Variants in ZNF132 observed in about 807,000 individuals in gnomAD.
The protein encoded by ZNF132 is zinc finger protein 132.
ZNF132 carries 6 observed loss-of-function variants against 9.3 expected under a neutral mutation model. That is an observed-to-expected ratio of 0.65 (90% confidence interval 0.35 to 1.28). The LOEUF is 1.28. Ranked by LOEUF, ZNF132 falls within the 50% of genes most tolerant of loss-of-function variation. The probability of loss-of-function intolerance (pLI) is 0.03; values close to 1 mark genes in which losing one functional copy is unlikely to be tolerated. For missense variants in ZNF132, 877 were observed against 843.2 expected, an observed-to-expected ratio of 1.04 and a Z score of -0.50; for synonymous variants, 296 against 292.0, an observed-to-expected ratio of 1.01 and a Z score of -0.14.
rs1258992561 is a variant in ZNF132, at chr19:58,432,973, A to ATT, written c.*348_*349dup. 1 of 178,652 alleles carries ATT rather than the reference A, an allele frequency of 5.6e-6. No individual in the cohort carries two copies. The highest frequency in any genetic ancestry group is 1.2e-5 in the Non-Finnish European group (1 of 86,584). 11.1% of individuals were successfully genotyped at this position (178,652 alleles called of 1,614,324 possible). ...GTGCATCTTCCTGAGCTCAAATTAG[A>ATT]TTTCCCTCAAGGCCCCTCAACCAGC... On this transcript the variant is annotated 3_prime_UTR_variant, in exon 3 of 3. Transcript: ENST00000254166.
chr19:58,439,665 G>A (rs1284604055), intron 1 of ZNF132, 94 bp downstream of exon 1: 3 of 1,339,926 alleles, frequency 2.2e-6, no homozygotes, highest in Non-Finnish European at 3.0e-6. Context: ...ACACGATCAA[G>A]AGTCCCAGGA....
At position 58,434,420 on chromosome 19, in the gene ZNF132, A is replaced by G. The variant is rs777358453; in HGVS notation, c.1024T>C (p.Ser342Pro). The part of the protein sequence containing the change: ...LTFVHHQRIH[S>P]GERPYECDEC... ...TCACACTCATAAGGTCTTTCTCCTG[A>G]GTGAATTCTCTGATGATGAACAAAT... Residue 342 changes from serine to proline, a missense_variant, in exon 3 of 3, where the codon TCA becomes CCA. By Grantham distance (74) the Ser-to-Pro change is moderately conservative (BLOSUM62 -1). Transcript: ENST00000254166. 3 of 1,614,204 alleles carry G rather than the reference A, an allele frequency of 1.9e-6. No individual in the cohort carries two copies. Among genetic ancestry groups the G allele is most frequent in the Non-Finnish European group, 2.5e-6 (3 of 1,180,032 alleles).
intron 1 of ZNF132, among the ~76,000 whole-genome samples, chr19:58,438,504 C>T (rs1037170826): frequency 6.3e-5 from 9 of 142,566 alleles, no homozygotes; most frequent in Admixed American, 1.4e-4. Context: ...GACAGAGTCT[C>T]GCTCTGTCAC....
Position 58,434,066 on chromosome 19 carries a change from C to G in ZNF132, c.1378G>C (p.Glu460Gln), listed in dbSNP as rs1599965094. 6.2e-7 allele frequency: 1 copy of G among 1,614,152 alleles called. No individual in the cohort carries two copies. The highest frequency in any genetic ancestry group is 2.2e-5 in the East Asian group (1 of 44,886). The change falls in exon 3 of 3, where the codon GAG becomes CAG. Residue 460 changes from glutamate to glutamine, a missense_variant. Coordinates refer to ENST00000254166, the MANE Select transcript of ZNF132 (RefSeq NM_003433.4). ...AAGTCTCTTCCACATTCACTGCACT[C>G]AAAAGGCCGTTCTCCGGTGTGAACT... The part of the protein sequence containing the change: ...QKVHTGERPF[E>Q]CSECGRDFSQ...
At chr19:58,436,668 A>G (rs2052774545) in intron 2 of ZNF132, among the ~76,000 whole-genome samples, 1 of 65,282 alleles carries the variant, frequency 1.5e-5, no homozygotes, top group South Asian at 5.0e-4. Context: ...ACTCCATCTC[A>G]AAAAAAAAAA....
At chr19:58,435,708 C>T (rs1438296853) in intron 2 of ZNF132, 1 of 157,406 alleles carries the variant, frequency 6.4e-6, no homozygotes, top group Non-Finnish European at 1.4e-5. Context: ...AAGTCTGCTT[C>T]TACAGAGCTA....
At chr19:58,437,690 C>T in intron 1 of ZNF132, 2 of 984,164 alleles carry the variant, frequency 2.0e-6, no homozygotes, top group African/African-American at 1.7e-5. Context: ...ACACTGTAGG[C>T]ATTCTCCCTA....
intron 2 of ZNF132, among the ~76,000 whole-genome samples, chr19:58,436,667 CAAAA>C (rs56078209): frequency 1.1e-4 from 7 of 65,542 alleles, no homozygotes; most frequent in Non-Finnish European, 1.7e-4. Context: ...GACTCCATCT[CAAAA>C]AAAAAAAAAA....
At chr19:58,436,667 CAAAAAAAAAAAAA>C (rs56078209) in intron 2 of ZNF132, among the ~76,000 whole-genome samples, 25 of 65,542 alleles carry the variant, frequency 3.8e-4, no homozygotes, top group Middle Eastern at 9.1e-3. Context: ...GACTCCATCT[CAAAAAAAAAAAAA>C]AAAAAAAAAA....
At chr19:58,435,563 A>T (rs916231351) in intron 2 of ZNF132, 3 of 191,968 alleles carry the variant, frequency 1.6e-5, no homozygotes, top group Non-Finnish European at 3.3e-5. Context: ...CCATAATGAG[A>T]TACCACTTCA....
Position 58,435,135 on chromosome 19 carries a change from G to T in ZNF132, c.309C>A (p.Ile103=). ...NVSVEVLQVR[I]PNADPSTKKA... ...TCTTGGTGGAAGGATCTGCATTAGG[G>T]ATCCTGACCTGTAACACTTCTACAG... Residue 103 remains isoleucine (I), a synonymous_variant, in exon 3 of 3, where the codon ATC becomes ATA. Transcript: ENST00000254166. The T allele has an allele frequency of 6.2e-7, 1 of 1,614,174 alleles. No homozygotes were observed. The highest frequency in any genetic ancestry group is 8.5e-7 in the Non-Finnish European group (1 of 1,180,024).
In ZNF132 at chr19:58,432,971, A is replaced by G. The variant is rs1433654116; in HGVS notation, c.*352T>C. The G allele has an allele frequency of 3.4e-5, 6 of 176,166 alleles. No homozygotes were observed. Among genetic ancestry groups the G allele is most frequent in the Admixed American group, 2.7e-4 (4 of 14,694 alleles). 10.9% of individuals were successfully genotyped at this position (176,166 alleles called of 1,614,324 possible). A position where few individuals can be genotyped will look rare whatever the true frequency, so the allele number is the denominator to read the frequency against. On this transcript the variant is annotated 3_prime_UTR_variant, in exon 3 of 3. Transcript: ENST00000254166. Reference sequence around the variant, plus strand: ...ATGTGCATCTTCCTGAGCTCAAATTAGATTTCCCTCAAGGCCCCTCAACCA... The same window carrying G: ...ATGTGCATCTTCCTGAGCTCAAATTGGATTTCCCTCAAGGCCCCTCAACCA...
At position 58,439,856 on chromosome 19, in the gene ZNF132, C is replaced by G. The variant is rs1292090063; in HGVS notation, c.-35G>C. ...CCCAGGGCTAGCCCTGCCGCTGGGC[C>G]GAACCCTCACACTTCCGCTGGGTGA... On this transcript the variant is annotated 5_prime_UTR_variant, in exon 1 of 3. Transcript: ENST00000254166. The G allele has an allele frequency of 2.2e-5, 34 of 1,531,564 alleles. No individual in the cohort carries two copies. Among genetic ancestry groups the G allele is most frequent in the African/African-American group, 2.8e-5 (2 of 71,558 alleles). 94.9% of individuals were successfully genotyped at this position (1,531,564 alleles called of 1,614,324 possible).
rs555750627 is a variant in ZNF132, at chr19:58,439,763, G to A, written c.59C>T (p.Ala20Val). 10 of 1,542,098 alleles carry A rather than the reference G, an allele frequency of 6.5e-6. No individual in the cohort carries two copies. In the African/African-American group the frequency reaches 6.9e-5, roughly 11 times the overall value. Reference sequence around the variant, plus strand: ...CCTGGGGCACACTCCACTTACCTGCGCCGGGCCCATCAGCAACGCTGGCAA... The same window carrying A: ...CCTGGGGCACACTCCACTTACCTGCACCGGGCCCATCAGCAACGCTGGCAA... ...MGLPALLMGPAQHTSWPCGSA... is the reference protein window; with the variant it reads ...MGLPALLMGPVQHTSWPCGSA... The change falls in exon 1 of 3, where the codon GCG (alanine) becomes GTG (valine). Residue 20 changes from alanine (A) to valine (V), a missense_variant. Transcript: ENST00000254166.
In ZNF132 at chr19:58,433,968, A is replaced by G. The variant is rs1252763859; in HGVS notation, c.1476T>C (p.Cys492=). 6.2e-7 allele frequency: 1 copy of G among 1,614,098 alleles called. No individual in the cohort carries two copies. Among genetic ancestry groups the G allele is most frequent in the Non-Finnish European group, 8.5e-7 (1 of 1,180,056 alleles). Residue 492 remains cysteine, a synonymous_variant, in exon 3 of 3, where the codon TGT becomes TGC. Transcript: ENST00000254166. ...TGGAGCTATTACTGAAGGCTTTACC[A>G]CAATCACAGCATTCAAAAGGCCGTT... The part of the protein sequence containing the change: ...TGERPFECCD[C]GKAFSNSSTL...
intron 1 of ZNF132, among the ~76,000 whole-genome samples, chr19:58,438,730 C>T (rs1007174363): frequency 2.0e-5 from 3 of 151,644 alleles, no homozygotes; most frequent in African/African-American, 2.4e-5. Context: ...GCCTCGGCCT[C>T]CCAAAGTGCT....
chr19:58,436,899 C>G, intron 2 of ZNF132, 148 bp downstream of exon 2: 2 of 1,068,672 alleles, frequency 1.9e-6, no homozygotes, highest in African/African-American at 1.5e-5. Context: ...GAAGTACACA[C>G]AGCAGAACCT....
Position 58,433,366 on chromosome 19 carries a change from C to T in ZNF132, c.2078G>A (p.Ser693Asn), listed in dbSNP as rs778097577. The T allele has an allele frequency of 2.3e-5, 37 of 1,614,100 alleles. No individual in the cohort carries two copies. The highest frequency in any genetic ancestry group is 3.0e-5 in the Non-Finnish European group (35 of 1,180,046). Residue 693 changes from serine (S) to asparagine (N), a missense_variant, in exon 3 of 3, where the codon AGC (serine) becomes AAC (asparagine). Coordinates refer to ENST00000254166, the MANE Select transcript of ZNF132 (RefSeq NM_003433.4). ...ATGCTGTGCAAGGTTACAAAGATGGCTGAAGAGTTTCCCACACTGGCTACA... is the reference window on the plus strand; with the variant it reads ...ATGCTGTGCAAGGTTACAAAGATGGTTGAAGAGTTTCCCACACTGGCTACA... ...YECSQCGKLFSHLCNLAQHKK... is the reference protein window; with the variant it reads ...YECSQCGKLFNHLCNLAQHKK...
rs1054322508 is a variant in ZNF132 at position 58,437,788 on chromosome 19, C to T, written c.64-573G>A. ...CAGCTACAGAGCTCCAAAAACCCCA[C>T]TGCAAGAGGCAGTCATAGCCCCTCA... On this transcript the variant is annotated intron_variant, in intron 1 of 2. Coordinates refer to ENST00000254166, the MANE Select transcript of ZNF132 (RefSeq NM_003433.4). 4.1e-6 allele frequency: 4 copies of T among 985,350 alleles called. No individual in the cohort carries two copies. In the African/African-American group the frequency reaches 7.0e-5, roughly 17 times the overall value. The allele number at this position is 985,350 out of a possible 1,614,324, so 61.0% of individuals were successfully genotyped here. A position where few individuals can be genotyped will look rare whatever the true frequency, so the allele number is the denominator to read the frequency against.
Sources: allele counts gnomAD v4.1 joint callset (sites outside exome capture counted in the v4.1 genomes callset), GRCh38; gene constraint gnomAD v4.1.1; transcripts MANE v1.5; gene names NCBI Gene and HGNC (gene_info 2026-07-23, HGNC 2026-07-21).